The following PSEN1 variants were observed in gnomAD, a reference collection of about 807,000 sequenced individuals.
PSEN1 encodes presenilin 1, also known as presenilin-1.
PSEN1 carries 15 observed loss-of-function variants against 53.5 expected under a neutral mutation model. The observed-to-expected ratio is 0.28, with a 90% CI of 0.19 to 0.43. The LOEUF (loss-of-function observed/expected upper bound fraction) is 0.43. Among genes scored for constraint, PSEN1 ranks in the 20% least tolerant of loss-of-function variants. The pLI, the probability that PSEN1 is intolerant of heterozygous loss-of-function variation, is 1.00. For synonymous variants in PSEN1, 208 were observed against 209.8 expected (o/e 0.99, Z 0.08); for missense variants, 387 against 571.2 (o/e 0.68, Z 3.29).
intron 7 of PSEN1, among the ~76,000 whole-genome samples, chr14:73,194,102 AACAT>A (rs1898837657): frequency 6.6e-6 from 1 of 152,196 alleles, no homozygotes; most frequent in Non-Finnish European, 1.5e-5. Flanking sequence ...GAACAGTTAG[AACAT>A]ACTCCAGCCA....
chr14:73,197,870 CAGTT>C, intron 7 of PSEN1, 157 bp from the exon 8 acceptor site: 5 of 618,140 alleles, frequency 8.1e-6, no homozygotes, highest in Non-Finnish European at 1.2e-5. Flanking sequence ...CCACCCCCAC[CAGTT>C]CACCTGCCAT....
chr14:73,147,970 C>T lies in PSEN1; in HGVS notation c.-50C>T, dbSNP rs768069021. On this transcript the variant is annotated 5_prime_UTR_variant, in exon 3 of 12. Transcript: ENST00000324501. ...CTGTTTTTCTTTCCCTTTTCAGAAC[C>T]TCAAGAGGCTTTGTTTTCTGTGAAA... The T allele has an allele frequency of 2.7e-6, 4 of 1,457,732 alleles. No homozygotes were observed. Among genetic ancestry groups the T allele is most frequent in the African/African-American group, 1.4e-5 (1 of 71,544 alleles). 90.3% of individuals were successfully genotyped at this position (1,457,732 alleles called of 1,614,324 possible).
chr14:73,196,539 T>A (rs758513966), intron 7 of PSEN1, among the ~76,000 whole-genome samples: 3 of 143,578 alleles, frequency 2.1e-5, no homozygotes, highest in Non-Finnish European at 4.5e-5. Flanking sequence ...AGTGGCGCCA[T>A]CTTGGCTCAC....
intron 3 of PSEN1, among the ~76,000 whole-genome samples, chr14:73,152,085 G>A (rs1474395538): frequency 6.7e-6 from 1 of 149,154 alleles, no homozygotes; most frequent in Admixed American, 6.7e-5. Flanking sequence ...CTAATTTTTT[G>A]TATTTTTCAT....
Position 73,170,954 on chromosome 14 carries a change from T to G in PSEN1, c.245T>G (p.Val82Gly). 6.2e-7 allele frequency: 1 copy of G among 1,614,202 alleles called. No homozygotes were observed. Among genetic ancestry groups the G allele is most frequent in the South Asian group, 1.1e-5 (1 of 91,086 alleles). ...ACATTGAAATATGGCGCCAAGCATG[T>G]GATCATGCTCTTTGTCCCTGTGACT... is the stretch of plus-strand genomic sequence containing the variant. ...ELTLKYGAKH[V>G]IMLFVPVTLC... is the part of the protein sequence containing the mutation. Residue 82 changes from valine (V) to glycine (G), a missense_variant, in exon 4 of 12, where the codon GTG becomes GGG. By Grantham distance (109) the Val-to-Gly change is moderately radical (BLOSUM62 -3). This residue lies in a region of PSEN1 where 169 missense variants were observed against 299.7 expected (regional missense o/e 0.56). Coordinates refer to ENST00000324501, the MANE Select transcript of PSEN1 (RefSeq NM_000021.4).
At chr14:73,203,244 A>G (rs543797875) in intron 8 of PSEN1, among the ~76,000 whole-genome samples, 2 of 151,950 alleles carry the variant, frequency 1.3e-5, no homozygotes, top group African/African-American at 4.8e-5. Flanking sequence ...ACGCCCAGCT[A>G]ATTTTTTGTA....
intron 3 of PSEN1, among the ~76,000 whole-genome samples, chr14:73,162,929 C>A (rs1897596508): frequency 6.6e-6 from 1 of 152,118 alleles, no homozygotes; most frequent in African/African-American, 2.4e-5. Flanking sequence ...TTAATACTTT[C>A]TTTGAGACCA....
At chr14:73,157,404 G>T (rs1184455234) in intron 3 of PSEN1, among the ~76,000 whole-genome samples, 1 of 152,048 alleles carries the variant, frequency 6.6e-6, no homozygotes. Flanking sequence ...CTCCCAAAGT[G>T]CTGGGATTAC....
intron 3 of PSEN1, among the ~76,000 whole-genome samples, chr14:73,151,980 C>T (rs1444264731): frequency 6.4e-5 from 8 of 125,716 alleles, no homozygotes; most frequent in African/African-American, 9.1e-5. Flanking sequence ...GGCACGATCT[C>T]GGCTCACTGC....
chr14:73,214,253 GC>G (rs961126150), intron 10 of PSEN1, among the ~76,000 whole-genome samples: 60 of 152,262 alleles, frequency 3.9e-4, no homozygotes, highest in African/African-American at 1.4e-3. Context: ...CTATTGCTGG[GC>G]GCAGTGGCTC....
chr14:73,206,584 T>C, intron 9 of PSEN1, 112 bp downstream of exon 9: 2 of 757,576 alleles, frequency 2.6e-6, no homozygotes, highest in East Asian at 2.7e-5. Flanking sequence ...TTTGAGAATC[T>C]CTTGAGAACT....
intron 7 of PSEN1, among the ~76,000 whole-genome samples, chr14:73,197,144 A>G (rs146635005): frequency 0.026 from 4,020 of 152,152 alleles, 176 homozygotes; most frequent in African/African-American, 0.093. Context: ...CGTGTTAGCC[A>G]GGATGGTCTT....
chr14:73,219,257 G>A lies in PSEN1; in HGVS notation c.1372G>A (p.Asp458Asn). 1 of 1,613,710 alleles carries A rather than the reference G, an allele frequency of 6.2e-7. No individual in the cohort carries two copies. Among genetic ancestry groups the A allele is most frequent in the African/African-American group, 1.3e-5 (1 of 75,024 alleles). The change falls in exon 12 of 12, where the codon GAC becomes AAC. Residue 458 changes from aspartate (D) to asparagine (N), a missense_variant. Physicochemically the swap from Asp to Asn is conservative, Grantham distance 23. Around this residue, in one of 4 missense-constraint regions of PSEN1, gnomAD observed 44 missense variants for 106.3 expected, o/e 0.41. Coordinates refer to ENST00000324501, the MANE Select transcript of PSEN1 (RefSeq NM_000021.4). ...AGATTATCTTGTACAGCCTTTTATG[G>A]ACCAATTAGCATTCCATCAATTTTA... Reference protein sequence around the residue: ...ATDYLVQPFMDQLAFHQFYI With the variant: ...ATDYLVQPFMNQLAFHQFYI
rs369744477 is a variant in PSEN1 at position 73,211,950 on chromosome 14, C to T, written c.1129+8C>T. The stretch of plus-strand genomic sequence containing the variant: ...GTGAAGACCCAGAGGAAAGTATGTG[C>T]ATTTCTCTATGTTGCAAAGTCATGG... On this transcript the variant is annotated splice_region_variant and intron_variant, in intron 10 of 11. Coordinates refer to ENST00000324501, the MANE Select transcript of PSEN1 (RefSeq NM_000021.4). The T allele has an allele frequency of 6.2e-7, 1 of 1,613,656 alleles. No homozygotes were observed. Among genetic ancestry groups the T allele is most frequent in the Non-Finnish European group, 8.5e-7 (1 of 1,179,846 alleles).
intron 5 of PSEN1, among the ~76,000 whole-genome samples, chr14:73,176,407 C>A (rs1335523150): frequency 6.6e-6 from 1 of 152,110 alleles, no homozygotes; most frequent in Non-Finnish European, 1.5e-5. Flanking sequence ...CTGTTTATTT[C>A]TCAGATTTTA....
At chr14:73,140,249 C>T (rs1414481118) in intron 1 of PSEN1, among the ~76,000 whole-genome samples, 1 of 121,638 alleles carries the variant, frequency 8.2e-6, no homozygotes, top group Non-Finnish European at 1.6e-5. Context: ...CTCCCTCTGT[C>T]GCCCAGGCTG....
intron 5 of PSEN1, among the ~76,000 whole-genome samples, chr14:73,178,009 T>TC (rs1165098512): frequency 1.3e-5 from 2 of 152,020 alleles, no homozygotes; most frequent in Non-Finnish European, 2.9e-5. Flanking sequence ...ACCTCTGCCT[T>TC]CCCGGTTCAA....
chr14:73,197,133 C>T (rs1389379192), intron 7 of PSEN1, among the ~76,000 whole-genome samples: 1 of 152,082 alleles, frequency 6.6e-6, no homozygotes, highest in Non-Finnish European at 1.5e-5. Context: ...CAGGGTTTCA[C>T]CGTGTTAGCC....
At chr14:73,182,576 G>C (rs1688612645) in intron 5 of PSEN1, among the ~76,000 whole-genome samples, 1 of 152,150 alleles carries the variant, frequency 6.6e-6, no homozygotes, top group Non-Finnish European at 1.5e-5. Flanking sequence ...GGGCATGGTG[G>C]CTCACGCCTA....
Sources: gnomAD v4.1 joint callset for allele counts (sites outside exome capture counted in the v4.1 genomes callset) on GRCh38, gnomAD v4.1.1 for gene constraint, gnomAD v4.1.1 regional missense constraint, MANE v1.5 for transcripts, NCBI Gene and HGNC (gene_info 2026-07-23, HGNC 2026-07-21) for gene names.